SLA2: variants seen among roughly 807,000 people sequenced by gnomAD.
SLA2 encodes Src like adaptor 2, also known as src-like-adapter 2.
In SLA2, 22 loss-of-function variants were observed where a neutral mutation model predicts 27.3. The ratio of observed to expected loss-of-function variants is 0.81; its 90% CI spans 0.58 to 1.15. The LOEUF is 1.15. Ranked by LOEUF, SLA2 falls within the 50% of genes most tolerant of loss-of-function variation. The probability of loss-of-function intolerance (pLI) is 0.00; values close to 1 mark genes in which losing one functional copy is unlikely to be tolerated. For missense variants in SLA2, 304 were observed against 322.2 expected (o/e 0.94, Z 0.43); for synonymous variants, 131 against 137.8 (o/e 0.95, Z 0.34).
Position 36,615,295 on chromosome 20 carries a change from G to A in SLA2, c.462C>T (p.Asp154=). ...RIRHYRIHCL[D]NGWLYISPRL... ...GCGGTGAGATGTACAGCCAGCCATT[G>A]TCAAGGCAGTGGATCCTGTAGTGTC... The change falls in exon 6 of 8, where the codon GAC becomes GAT. Residue 154 remains aspartate (D), a synonymous_variant. Transcript: ENST00000262866. The A allele has an allele frequency of 6.2e-7, 1 of 1,614,152 alleles. No homozygotes were observed. Among genetic ancestry groups the A allele is most frequent in the Non-Finnish European group, 8.5e-7 (1 of 1,180,034 alleles).
At position 36,614,287 on chromosome 20, in the gene SLA2, A is replaced by G. The variant is rs200003679; in HGVS notation, c.665+18T>C. 3.7e-4 allele frequency: 591 copies of G among 1,613,964 alleles called. No individual in the cohort carries two copies. The highest frequency in any genetic ancestry group is 4.6e-4 in the Non-Finnish European group (547 of 1,180,018). On this transcript the variant is annotated intron_variant, in intron 7 of 7. Coordinates refer to ENST00000262866, the MANE Select transcript of SLA2 (RefSeq NM_032214.4). ...CTCTTGGTCCTGCTTTCATGTTTCC[A>G]GGAGTCCCCAACTTTACCTGTCCAG...
chr20:36,630,138 A>G (rs1291631548), intron 5 of SLA2, among the ~76,000 whole-genome samples: 8 of 152,076 alleles, frequency 5.3e-5, no homozygotes, highest in Non-Finnish European at 1.2e-4. Context: ...GCTCCAGGGG[A>G]CAGTCTGCAG....
intron 3 of SLA2, among the ~76,000 whole-genome samples, chr20:36,633,896 C>T (rs1414505356): frequency 6.6e-6 from 1 of 151,498 alleles, no homozygotes; most frequent in African/African-American, 2.4e-5. Flanking sequence ...CCTGAAATTC[C>T]ACCACAGGGT....
intron 2 of SLA2, among the ~76,000 whole-genome samples, chr20:36,639,619 C>T (rs1014589303): frequency 3.3e-5 from 5 of 151,568 alleles, no homozygotes; most frequent in East Asian, 1.9e-4. Flanking sequence ...TTTGGGAGGC[C>T]GAGGTGGGTG....
chr20:36,631,043 A>G (rs113148107), intron 5 of SLA2, among the ~76,000 whole-genome samples: 4,797 of 152,298 alleles, frequency 0.031, 246 homozygotes, highest in African/African-American at 0.11. Context: ...GTCTTGGGGA[A>G]GGAGGAATCA....
Position 36,634,859 on chromosome 20 carries a change from G to A in SLA2, c.92-270C>T, listed in dbSNP as rs184224720. Among the ~76,000 whole-genome samples, 236 of 151,792 alleles carry A rather than the reference G, an allele frequency of 1.6e-3. 2 individuals are homozygous for A. The highest frequency in any genetic ancestry group is 5.4e-3 in the African/African-American group (224 of 41,418). ...GGGTCTTGCTCCATCACCACTGCAC[G>A]TAGGCTGAGCGACAGGGCAAGATCC... is the stretch of plus-strand genomic sequence containing the variant. On this transcript the variant is annotated intron_variant, in intron 2 of 7. Coordinates refer to ENST00000262866, the MANE Select transcript of SLA2 (RefSeq NM_032214.4).
chr20:36,634,048 C>T (rs1175412304), intron 3 of SLA2, among the ~76,000 whole-genome samples: 15 of 151,890 alleles, frequency 9.9e-5, no homozygotes, highest in Non-Finnish European at 1.9e-4. Context: ...AGTGCAATGG[C>T]GTGATCTCAG....
Position 36,613,858 on chromosome 20 carries a change from C to T in SLA2, c.*8G>A. 6.2e-7 allele frequency: 1 copy of T among 1,611,718 alleles called. No homozygotes were observed. Among genetic ancestry groups the T allele is most frequent in the Non-Finnish European group, 8.5e-7 (1 of 1,178,782 alleles). On this transcript the variant is annotated 3_prime_UTR_variant, in exon 8 of 8. Transcript: ENST00000262866. ...GCCTTGGTTTCCCTTTTGGCCTCTC[C>T]TTTGGGCCTAGGCATCATCCAAAGA...
Position 36,613,854 on chromosome 20 carries a change from T to C in SLA2, c.*12A>G, listed in dbSNP as rs1439979934. On this transcript the variant is annotated 3_prime_UTR_variant, in exon 8 of 8. Transcript: ENST00000262866. ...TGCAGCCTTGGTTTCCCTTTTGGCC[T>C]CTCCTTTGGGCCTAGGCATCATCCA... is the stretch of plus-strand genomic sequence containing the variant. The C allele has an allele frequency of 6.6e-7, 1 of 1,520,008 alleles. No homozygotes were observed. Among genetic ancestry groups the C allele is most frequent in the Non-Finnish European group, 8.9e-7 (1 of 1,121,166 alleles). The allele number at this position is 1,520,008 out of a possible 1,614,324, so 94.2% of individuals were successfully genotyped here.
intron 5 of SLA2, among the ~76,000 whole-genome samples, chr20:36,628,106 C>T (rs555119833): frequency 6.6e-6 from 1 of 152,264 alleles, no homozygotes; most frequent in East Asian, 1.9e-4. Context: ...GTCCAAGAAG[C>T]AGATTTCTGA....
intron 3 of SLA2, among the ~76,000 whole-genome samples, 166 bp from the exon 4 acceptor site, chr20:36,633,795 G>A (rs1044935753): frequency 4.0e-5 from 6 of 151,800 alleles, no homozygotes; most frequent in Non-Finnish European, 7.4e-5. Flanking sequence ...TCCTGAGTCA[G>A]GGCTGGGGCT....
At chr20:36,625,860 C>T (rs548554471) in intron 5 of SLA2, among the ~76,000 whole-genome samples, 11 of 151,102 alleles carry the variant, frequency 7.3e-5, no homozygotes, top group Non-Finnish European at 1.3e-4. Flanking sequence ...TGTGGTGGCT[C>T]ATGCCTATAA....
chr20:36,638,060 T>G (rs2147995446), intron 2 of SLA2, among the ~76,000 whole-genome samples: 1 of 151,500 alleles, frequency 6.6e-6, no homozygotes, highest in South Asian at 2.1e-4. Flanking sequence ...CCCAGCTAAT[T>G]TTTTGTATTT....
chr20:36,644,868 G>GTTTT (rs3066378), intron 1 of SLA2, among the ~76,000 whole-genome samples: 3 of 80,674 alleles, frequency 3.7e-5, no homozygotes, highest in Non-Finnish European at 7.1e-5. Flanking sequence ...AGAATATTGT[G>GTTTT]TTTTTTTTTT....
intron 5 of SLA2, among the ~76,000 whole-genome samples, chr20:36,626,253 G>C (rs751869084): frequency 6.6e-6 from 1 of 152,022 alleles, no homozygotes; most frequent in Non-Finnish European, 1.5e-5. Flanking sequence ...TTAGCTGGGC[G>C]TGGTGGCACG....
At chr20:36,628,205 C>T (rs1172946699) in intron 5 of SLA2, among the ~76,000 whole-genome samples, 1 of 152,200 alleles carries the variant, frequency 6.6e-6, no homozygotes, top group African/African-American at 2.4e-5. Flanking sequence ...GAGTCCTGTA[C>T]ACTCAAGTCT....
chr20:36,618,856 GAGATTGTACCATTTCACTACAGCCT>G (rs2147978686), intron 5 of SLA2, among the ~76,000 whole-genome samples: 1 of 131,798 alleles, frequency 7.6e-6, no homozygotes, highest in South Asian at 2.6e-4. Context: ...GCAGTGAGCC[GAGATTGTACCATTTCACTACAGCCT>G]AGGGAACAAG....
At chr20:36,617,725 C>T (rs1251223739) in intron 5 of SLA2, among the ~76,000 whole-genome samples, 11 of 150,652 alleles carry the variant, frequency 7.3e-5, no homozygotes, top group Admixed American at 5.3e-4. Context: ...GGCGTGGTGG[C>T]GTGCGCCTGT....
chr20:36,624,367 T>A (rs1404577045), intron 5 of SLA2, among the ~76,000 whole-genome samples: 3 of 152,138 alleles, frequency 2.0e-5, no homozygotes, highest in Non-Finnish European at 4.4e-5. Context: ...AGGACGCGCC[T>A]CCCTGAGGCC....
Sources: allele counts gnomAD v4.1 joint callset (sites outside exome capture counted in the v4.1 genomes callset), GRCh38; gene constraint gnomAD v4.1.1; transcripts MANE v1.5; gene names NCBI Gene and HGNC (gene_info 2026-07-23, HGNC 2026-07-21).